ZNF101: variants seen among roughly 807,000 people sequenced by gnomAD.
ZNF101 encodes zinc finger protein 101 (Y2).
Under a neutral mutation model 42.6 loss-of-function variants are expected in ZNF101, and 34 were observed. That is an observed-to-expected ratio of 0.80 (90% confidence interval 0.61 to 1.06). The LOEUF is 1.06. ZNF101 is among the 50% of genes least tolerant of loss of function. ZNF101 has a pLI of 0.00. For missense variants in ZNF101, 466 were observed against 530.9 expected (o/e 0.88, Z 1.20); for synonymous variants, 158 against 183.9 (o/e 0.86, Z 1.14).
Position 19,679,781 on chromosome 19 carries a change from C to T in ZNF101, c.792C>T (p.Ser264=), listed in dbSNP as rs139060754. The T allele has an allele frequency of 3.7e-6, 6 of 1,611,106 alleles. No individual in the cohort carries two copies. The highest frequency in any genetic ancestry group is 2.7e-5 in the African/African-American group (2 of 74,182). The part of the protein sequence containing the change: ...KCKQCGKAFI[S]AGYLRTHEIR... ...AACAATGTGGTAAAGCCTTCATTTCCGCAGGTTACCTTCGGACACATGAAA... is the reference window on the plus strand; with the variant it reads ...AACAATGTGGTAAAGCCTTCATTTCTGCAGGTTACCTTCGGACACATGAAA... Residue 264 remains serine, a synonymous_variant, in exon 4 of 4, where the codon TCC becomes TCT. Transcript: ENST00000592502.
At position 19,679,622 on chromosome 19, in the gene ZNF101, C is replaced by A. The variant is rs2062225506; in HGVS notation, c.633C>A (p.Phe211Leu). The A allele has an allele frequency of 3.7e-6, 6 of 1,612,806 alleles. No individual in the cohort carries two copies. The highest frequency in any genetic ancestry group is 5.1e-6 in the Non-Finnish European group (6 of 1,179,270). ...TGAGAGCCTTCACAGTTTCCAGTTT[C>A]TTTCGAAAACATGGAAAAATGCATA... is the stretch of plus-strand genomic sequence containing the variant. ...EIVRAFTVSS[F>L]FRKHGKMHTG... The change falls in exon 4 of 4, where the codon TTC becomes TTA. Residue 211 changes from phenylalanine (F) to leucine (L), a missense_variant. Phe to Leu is a conservative substitution (Grantham distance 22). Coordinates refer to ENST00000592502, the MANE Select transcript of ZNF101 (RefSeq NM_033204.4).
At chr19:19,676,147 G>A (rs1263505076) in intron 1 of ZNF101, 2 of 152,102 alleles carry the variant, frequency 1.3e-5, no homozygotes, top group East Asian at 3.8e-4. Context: ...TTCCCAAGTA[G>A]CTAGGACCAC....
At position 19,669,314 on chromosome 19, in the gene ZNF101, C is replaced by G. The variant is rs554727893; in HGVS notation, c.3+348C>G. Among the ~76,000 whole-genome samples, 5 of 152,272 alleles carry G rather than the reference C, an allele frequency of 3.3e-5. No individual in the cohort carries two copies. In the South Asian group the frequency reaches 8.3e-4, roughly 25 times the overall value. ...CTGTGGGGTCCCCAGTTCCTCCTCC[C>G]TTAGGCGGTCCCCGTTTCCTTCGGA... On this transcript the variant is annotated intron_variant, in intron 1 of 3. Transcript: ENST00000592502.
upstream of ZNF101, chr19:19,668,684 G>A (rs1454359009): frequency 9.1e-6 from 4 of 438,490 alleles, no homozygotes; most frequent in Non-Finnish European, 1.2e-5. Flanking sequence ...ATTATTTGAG[G>A]ATTCCGATCA....
At chr19:19,669,046 G>A (rs1023735376) in intron 1 of ZNF101, 80 bp downstream of exon 1, 15 of 1,518,536 alleles carry the variant, frequency 9.9e-6, no homozygotes, top group African/African-American at 1.4e-5. Context: ...GGGCCTCCCC[G>A]CGGCGACTGT....
chr19:19,672,828 G>C (rs2062179197), intron 1 of ZNF101, among the ~76,000 whole-genome samples: 2 of 151,914 alleles, frequency 1.3e-5, no homozygotes, highest in Middle Eastern at 3.2e-3. Flanking sequence ...TGACTGGCTG[G>C]TATTTTTATT....
rs1205348254 is a variant in ZNF101, at chr19:19,681,211, A to C, written c.*911A>C. On this transcript the variant is annotated 3_prime_UTR_variant, in exon 4 of 4. Coordinates refer to ENST00000592502, the MANE Select transcript of ZNF101 (RefSeq NM_033204.4). ...ACATTCAGTTTCCAAAGATATGAAA[A>C]GACTAACTGGAAAAAAATCCAAAGA... 6.6e-6 allele frequency: 1 copy of C among 152,234 alleles called. No homozygotes were observed. The highest frequency in any genetic ancestry group is 1.5e-5 in the Non-Finnish European group (1 of 68,044). 9.4% of individuals were successfully genotyped at this position (152,234 alleles called of 1,614,324 possible). A position where few individuals can be genotyped will look rare whatever the true frequency, so the allele number is the denominator to read the frequency against.
At chr19:19,669,114 CGGG>C in intron 1 of ZNF101, 148 bp downstream of exon 1, 13 of 1,219,788 alleles carry the variant, frequency 1.1e-5, no homozygotes, top group Non-Finnish European at 1.4e-5. Flanking sequence ...CCTCGGTCGC[CGGG>C]TGGAGCTGGA....
intron 1 of ZNF101, 130 bp from the exon 2 acceptor site, chr19:19,677,734 A>AGGG: frequency 8.1e-7 from 1 of 1,230,260 alleles, no homozygotes. Context: ...TGTAGATAGG[A>AGGG]GGAGGCCGAT....
In ZNF101 at chr19:19,680,616, T is replaced by TCA. The variant is rs762094032; in HGVS notation, c.*329_*330dup. On this transcript the variant is annotated 3_prime_UTR_variant, in exon 4 of 4. Transcript: ENST00000592502. The stretch of plus-strand genomic sequence containing the variant: ...CCTGGGCGACAAAAGTGAGACTCCA[T>TCA]CACACACACACACAAAAAAGCCCCA... 1.5e-4 allele frequency: 25 copies of TCA among 164,994 alleles called. No homozygotes were observed. Among genetic ancestry groups the TCA allele is most frequent in the East Asian group, 5.0e-4 (3 of 5,958 alleles). The allele number at this position is 164,994 out of a possible 1,614,324, so 10.2% of individuals were successfully genotyped here.
In ZNF101 at chr19:19,682,248, C is replaced by T. The variant is rs572881211; in HGVS notation, c.*1948C>T. On this transcript the variant is annotated 3_prime_UTR_variant, in exon 4 of 4. Transcript: ENST00000592502. ...TTTTTTTTTTTTCCCGAGACACAGT[C>T]TCACTCTGTTGCCCAGGCTAGAGTG... The T allele has an allele frequency of 9.4e-5, 14 of 149,638 alleles. No homozygotes were observed. Among genetic ancestry groups the T allele is most frequent in the African/African-American group, 3.4e-4 (14 of 40,630 alleles). 9.3% of individuals were successfully genotyped at this position (149,638 alleles called of 1,614,324 possible).
intron 1 of ZNF101, among the ~76,000 whole-genome samples, chr19:19,674,301 C>T (rs1213296253): frequency 6.6e-6 from 1 of 151,976 alleles, no homozygotes; most frequent in African/African-American, 2.4e-5. Context: ...CTTAGCCTCT[C>T]GAGTAGCTGG....
intron 1 of ZNF101, among the ~76,000 whole-genome samples, chr19:19,670,696 T>G (rs990668589): frequency 1.3e-5 from 2 of 151,954 alleles, no homozygotes; most frequent in African/African-American, 4.8e-5. Context: ...AGGTTGAGAC[T>G]GCCGTTAGCT....
At chr19:19,671,904 C>T (rs1568435935) in intron 1 of ZNF101, among the ~76,000 whole-genome samples, 1 of 151,832 alleles carries the variant, frequency 6.6e-6, no homozygotes, top group Non-Finnish European at 1.5e-5. Context: ...TAAAAATTGA[C>T]TTCAACGGCT....
At position 19,682,222 on chromosome 19, in the gene ZNF101, C is replaced by CA. The variant is rs2062243867; in HGVS notation, c.*1922_*1923insA. ...ACAGGTGTGAGCCACCGCGCCTGGC[C>CA]TTTTTTTTTTTTCCCGAGACACAGT... On this transcript the variant is annotated 3_prime_UTR_variant, in exon 4 of 4. Transcript: ENST00000592502. 7.2e-6 allele frequency: 1 copy of CA among 138,572 alleles called. No individual in the cohort carries two copies. Among genetic ancestry groups the CA allele is most frequent in the Non-Finnish European group, 1.6e-5 (1 of 63,586 alleles). 8.6% of individuals were successfully genotyped at this position (138,572 alleles called of 1,614,324 possible).
At chr19:19,674,256 A>C (rs2062189114) in intron 1 of ZNF101, among the ~76,000 whole-genome samples, 1 of 152,080 alleles carries the variant, frequency 6.6e-6, no homozygotes, top group Non-Finnish European at 1.5e-5. Context: ...AGCTCACTGC[A>C]ACCTCTGCCT....
At chr19:19,678,110 G>T (rs1402070605) in intron 2 of ZNF101, 120 bp downstream of exon 2, 2 of 1,426,130 alleles carry the variant, frequency 1.4e-6, no homozygotes, top group Non-Finnish European at 1.9e-6. Flanking sequence ...GGGCATCGTG[G>T]GCCAGGTACA....
chr19:19,669,255 T>C (rs1447565985), intron 1 of ZNF101, among the ~76,000 whole-genome samples: 1 of 152,166 alleles, frequency 6.6e-6, no homozygotes, highest in East Asian at 1.9e-4. Context: ...GAATCCCGCC[T>C]CGGGTGTGGG....
chr19:19,668,738 A>T, upstream of ZNF101: 1 of 506,144 alleles, frequency 2.0e-6, no homozygotes, highest in Non-Finnish European at 3.5e-6. Context: ...CTGGGGCACC[A>T]GCCAGTCAGA....
Sources: allele counts gnomAD v4.1 joint callset (sites outside exome capture counted in the v4.1 genomes callset), GRCh38; gene constraint gnomAD v4.1.1; transcripts MANE v1.5; gene names NCBI Gene and HGNC (gene_info 2026-07-23, HGNC 2026-07-21).